The following RANBP1 variants were observed in gnomAD, a reference collection of about 807,000 sequenced individuals.
RANBP1 encodes the protein ran-specific GTPase-activating protein.
A neutral mutation model predicts 31.4 loss-of-function variants in RANBP1; 16 were observed. The observed-to-expected ratio is 0.51, with a 90% confidence interval of 0.34 to 0.77. RANBP1 has a LOEUF of 0.77. Ranked by LOEUF, RANBP1 falls within the 30% of genes least tolerant of loss-of-function variation. The pLI is 0.01. For missense variants in RANBP1, 265 were observed against 362.0 expected (o/e 0.73, Z 2.17); for synonymous variants, 129 against 140.5 (o/e 0.92, Z 0.58).
intron 1 of RANBP1, chr22:20,117,640 C>CCG: frequency 4.0e-6 from 5 of 1,248,594 alleles, no homozygotes; most frequent in Non-Finnish European, 5.0e-6. Context: ...GCCGCCGCCG[C>CCG]CGCGCCCCCA....
At chr22:20,117,945 CG>C (rs2050079970) in intron 1 of RANBP1, 1 of 1,008,008 alleles carries the variant, frequency 9.9e-7, no homozygotes, top group African/African-American at 1.7e-5. Context: ...CCACGCGGGA[CG>C]GCCCCAGCCT....
intron 1 of RANBP1, chr22:20,117,483 G>A: frequency 8.2e-7 from 1 of 1,223,774 alleles, no homozygotes; most frequent in Non-Finnish European, 1.0e-6. Flanking sequence ...CGCGTTTCCC[G>A]CCGCTGGGGT....
At chr22:20,121,854 T>G (rs1001115998) in intron 2 of RANBP1, among the ~76,000 whole-genome samples, 3 of 138,640 alleles carry the variant, frequency 2.2e-5, no homozygotes, top group African/African-American at 8.1e-5. Flanking sequence ...TTGTCGTGCC[T>G]CAGCCTCCTG....
intron 3 of RANBP1, 118 bp from the exon 4 acceptor site, chr22:20,125,190 C>T (rs2050268710): frequency 6.1e-6 from 7 of 1,153,054 alleles, no homozygotes; most frequent in South Asian, 5.1e-5. Context: ...CCCAGACTGT[C>T]CCCGTGTTGT....
rs767041773 is a variant in RANBP1, at chr22:20,127,072, T to G, written c.*20T>G. On this transcript the variant is annotated 3_prime_UTR_variant, in exon 6 of 6. Transcript: ENST00000430524. ...CAATAAATCGTCTTATTTTATTTTC[T>G]TTTCCTCTCTTTCCTTTCCTTTTTT... 4.4e-6 allele frequency: 7 copies of G among 1,580,776 alleles called. No homozygotes were observed. In the East Asian group the frequency reaches 1.6e-4, roughly 36 times the overall value.
chr22:20,122,768 C>T, intron 3 of RANBP1: 7 of 89,952 alleles, frequency 7.8e-5, no homozygotes, highest in South Asian at 4.4e-4. Context: ...TGTGTGGTGT[C>T]TGGGGGGTGG....
At chr22:20,118,863 G>C (rs1212506032) in intron 1 of RANBP1, 150 bp from the exon 2 acceptor site, 1 of 717,522 alleles carries the variant, frequency 1.4e-6, no homozygotes, top group South Asian at 1.9e-5. Context: ...GTGTGGAAGA[G>C]TGGGCCTAAT....
intron 3 of RANBP1, chr22:20,122,698 G>T (rs2050199676): frequency 4.3e-6 from 6 of 1,403,986 alleles, no homozygotes; most frequent in Non-Finnish European, 5.7e-6. Context: ...GGGACGAGGA[G>T]TGAGTGCTGC....
intron 5 of RANBP1, 91 bp downstream of exon 5, chr22:20,126,459 A>T (rs1286971835): frequency 1.2e-6 from 2 of 1,607,556 alleles, no homozygotes; most frequent in Non-Finnish European, 1.7e-6. Flanking sequence ...TGTCTGCCAG[A>T]TAAACATTCC....
intron 1 of RANBP1, chr22:20,116,991 C>T (rs2050047000): frequency 1.3e-6 from 2 of 1,495,478 alleles, no homozygotes; most frequent in South Asian, 1.2e-5. Flanking sequence ...AGGGAAGTGG[C>T]CTGTCACAAG....
chr22:20,118,268 C>A (rs2050092132), intron 1 of RANBP1: 2 of 1,002,470 alleles, frequency 2.0e-6, no homozygotes, highest in Non-Finnish European at 1.2e-6. Context: ...CAGTTTGAGT[C>A]TAGTGGTGAA....
At chr22:20,121,374 C>T (rs1040988374) in intron 2 of RANBP1, among the ~76,000 whole-genome samples, 11 of 151,888 alleles carry the variant, frequency 7.2e-5, no homozygotes, top group South Asian at 2.1e-4. Flanking sequence ...CTCAGCCTCC[C>T]GAGTAGCTGG....
At chr22:20,124,153 C>T (rs76318258) in intron 3 of RANBP1, 6,420 of 152,710 alleles carry the variant, frequency 0.042, 180 homozygotes, top group South Asian at 0.096. Flanking sequence ...TGAATCATTT[C>T]CTTGGGGGTC....
At position 20,116,379 on chromosome 22, in the gene RANBP1, G is replaced by A. The variant is rs755665864; in HGVS notation, c.195G>A (p.Leu65=). 1.2e-6 allele frequency: 2 copies of A among 1,612,186 alleles called. No homozygotes were observed. Among genetic ancestry groups the A allele is most frequent in the Non-Finnish European group, 1.7e-6 (2 of 1,179,274 alleles). ...GGCCCAGGAAGCGCCGGACGTCGCT[G>A]AAGCTGGCGTGGCGAGGCACGTTCT... The part of the protein sequence containing the change: ...PKRPRKRRTS[L]KLAWRGTFCS... Residue 65 remains leucine (L), a synonymous_variant, in exon 1 of 6, where the codon CTG becomes CTA. Transcript: ENST00000430524.
chr22:20,123,486 C>T (rs1444652715), intron 3 of RANBP1, among the ~76,000 whole-genome samples: 17 of 28,006 alleles, frequency 6.1e-4, no homozygotes, highest in Non-Finnish European at 1.1e-3. Context: ...TGCGGTATCG[C>T]GGTGGGGGTG....
Position 20,125,306 on chromosome 22 carries a change from A to G in RANBP1, c.542-2A>G. ...CATCTTCACGAGCTTCTCTCTCTTC[A>G]GTCACGCCGATGATGGAGCTGAAGC... On this transcript the variant is annotated splice_acceptor_variant, in intron 3 of 5. Transcript: ENST00000430524. LOFTEE classifies it high-confidence loss of function. The G allele has an allele frequency of 6.2e-7, 1 of 1,611,444 alleles. No individual in the cohort carries two copies. The highest frequency in any genetic ancestry group is 1.1e-5 in the South Asian group (1 of 90,992).
At chr22:20,116,660 G>T in intron 1 of RANBP1, 2 of 1,510,080 alleles carry the variant, frequency 1.3e-6, no homozygotes, top group African/African-American at 1.4e-5. Flanking sequence ...GGCCCTGGGG[G>T]CCTGGCCCCC....
chr22:20,117,330 T>G (rs2286929), intron 1 of RANBP1: 463,280 of 1,117,344 alleles, frequency 0.41, 97,896 homozygotes, highest in East Asian at 0.63. Flanking sequence ...TGCGCGCGGG[T>G]GTCGCCGGGA....
chr22:20,116,581 T>A lies in RANBP1; in HGVS notation c.246+151T>A. On this transcript the variant is annotated intron_variant, in intron 1 of 5. Transcript: ENST00000430524. Reference sequence around the variant, plus strand: ...AGGGCAGCTCAGGGCACTGCTGCTCTCCTGGCCACAGCTCTCCATGGGCTT... The same window carrying A: ...AGGGCAGCTCAGGGCACTGCTGCTCACCTGGCCACAGCTCTCCATGGGCTT... 2.6e-6 allele frequency: 4 copies of A among 1,563,382 alleles called. No homozygotes were observed. The Admixed American group carries it at 7.7e-5, about 30-fold the overall frequency.
Sources: gnomAD v4.1 joint callset for allele counts (sites outside exome capture counted in the v4.1 genomes callset) on GRCh38, gnomAD v4.1.1 for gene constraint, MANE v1.5 for transcripts, NCBI Gene and HGNC (gene_info 2026-07-23, HGNC 2026-07-21) for gene names.